Variants in COMMD1 observed in about 807,000 individuals in gnomAD.
The protein encoded by COMMD1 is COMM domain-containing protein 1.
COMMD1 carries 10 observed loss-of-function variants against 17.2 expected under a neutral mutation model. The observed-to-expected ratio is 0.58, with a 90% CI of 0.36 to 0.99. The LOEUF (loss-of-function observed/expected upper bound fraction) is 0.99, where lower values mean the gene tolerates loss of function less well. Ranked by LOEUF, COMMD1 falls within the 50% of genes least tolerant of loss-of-function variation. COMMD1 has a pLI of 0.01. For missense variants in COMMD1, 270 were observed against 231.8 expected, an observed-to-expected ratio of 1.17 and a Z score of -1.07; for synonymous variants, 97 against 91.6, an observed-to-expected ratio of 1.06 and a Z score of -0.34.
intron 2 of COMMD1, among the ~76,000 whole-genome samples, chr2:62,125,299 T>A (rs1264918522): frequency 6.6e-6 from 1 of 152,230 alleles, no homozygotes; most frequent in Non-Finnish European, 1.5e-5. Flanking sequence ...CTGCAGACTC[T>A]ATCTTAGTCC....
chr2:62,113,388 A>G (rs1036788824), intron 2 of COMMD1, among the ~76,000 whole-genome samples: 2 of 151,964 alleles, frequency 1.3e-5, no homozygotes, highest in Admixed American at 6.6e-5. Flanking sequence ...TTTTCTGGAA[A>G]TTTCTGATAG....
At chr2:62,127,117 C>G (rs1315739004) in intron 2 of COMMD1, among the ~76,000 whole-genome samples, 1 of 152,076 alleles carries the variant, frequency 6.6e-6, no homozygotes, top group Non-Finnish European at 1.5e-5. Flanking sequence ...GAATGAACTC[C>G]CATTCACAAT....
intron 2 of COMMD1, among the ~76,000 whole-genome samples, chr2:62,017,466 A>G (rs1669483834): frequency 6.6e-6 from 1 of 152,082 alleles, no homozygotes; most frequent in Non-Finnish European, 1.5e-5. Flanking sequence ...CCAGGAGTTC[A>G]AGACCAGCCT....
intron 1 of COMMD1, among the ~76,000 whole-genome samples, chr2:61,946,656 C>G (rs1250902023): frequency 2.0e-5 from 3 of 152,142 alleles, no homozygotes; most frequent in Non-Finnish European, 4.4e-5. Flanking sequence ...TTTTACTACA[C>G]TATACATCAG....
chr2:62,009,019 A>G (rs536399463), intron 2 of COMMD1, among the ~76,000 whole-genome samples: 1 of 152,172 alleles, frequency 6.6e-6, no homozygotes, highest in African/African-American at 2.4e-5. Flanking sequence ...CCTGACCTCA[A>G]GTGATACGCC....
intron 1 of COMMD1, among the ~76,000 whole-genome samples, chr2:61,953,371 C>CT (rs58439320): frequency 0.05 from 6,313 of 127,078 alleles, 490 homozygotes; most frequent in African/African-American, 0.16. Context: ...TTTTTCTTTT[C>CT]TTTTTTTTTT....
chr2:61,973,442 C>T (rs561417029), intron 1 of COMMD1, among the ~76,000 whole-genome samples: 1 of 152,150 alleles, frequency 6.6e-6, no homozygotes, highest in Admixed American at 6.5e-5. Flanking sequence ...TTTATTTTTG[C>T]CAGTATAATG....
At chr2:62,062,622 C>A (rs1274734138) in intron 2 of COMMD1, among the ~76,000 whole-genome samples, 2 of 152,000 alleles carry the variant, frequency 1.3e-5, no homozygotes, top group African/African-American at 4.8e-5. Context: ...CCAGTAAAAA[C>A]CCTGAGACGA....
chr2:62,089,411 G>A (rs764891596), intron 2 of COMMD1, among the ~76,000 whole-genome samples: 14 of 151,208 alleles, frequency 9.3e-5, no homozygotes, highest in Non-Finnish European at 1.3e-4. Context: ...TCAGCCTCCC[G>A]AGTAGCTGGG....
chr2:61,933,588 TC>T (rs1198449969), intron 1 of COMMD1, among the ~76,000 whole-genome samples: 1 of 151,862 alleles, frequency 6.6e-6, no homozygotes, highest in Non-Finnish European at 1.5e-5. Context: ...GCCATGCTTT[TC>T]CCACACGTGA....
At chr2:62,107,828 T>A (rs1336415044) in intron 2 of COMMD1, among the ~76,000 whole-genome samples, 1 of 152,198 alleles carries the variant, frequency 6.6e-6, no homozygotes, top group African/African-American at 2.4e-5. Flanking sequence ...CAGTAACATA[T>A]AACCCTTGAC....
intron 1 of COMMD1, among the ~76,000 whole-genome samples, chr2:61,985,290 T>C (rs377533641): frequency 2.0e-5 from 3 of 152,196 alleles, no homozygotes; most frequent in East Asian, 3.8e-4. Context: ...GACCTGGTGA[T>C]CCGCCCGCCT....
chr2:61,891,737 C>T (rs1185519904), intron 1 of COMMD1, among the ~76,000 whole-genome samples: 1 of 151,666 alleles, frequency 6.6e-6, no homozygotes, highest in Admixed American at 6.6e-5. Context: ...CAAAACAAAA[C>T]AAAAACATAA....
intron 1 of COMMD1, among the ~76,000 whole-genome samples, chr2:61,972,936 G>C (rs554253366): frequency 5.3e-5 from 8 of 152,244 alleles, no homozygotes; most frequent in Non-Finnish European, 1.0e-4. Context: ...CACCCAAAGT[G>C]TTGGGATTAC....
intron 2 of COMMD1, among the ~76,000 whole-genome samples, chr2:62,017,870 C>T (rs1669496730): frequency 6.6e-6 from 1 of 151,802 alleles, no homozygotes; most frequent in South Asian, 2.1e-4. Context: ...CAGGAAGACC[C>T]CATCTCTACA....
At chr2:61,954,656 T>G (rs955927568) in intron 1 of COMMD1, among the ~76,000 whole-genome samples, 1 of 151,952 alleles carries the variant, frequency 6.6e-6, no homozygotes, top group African/African-American at 2.4e-5. Flanking sequence ...GAGGGCAGGC[T>G]AAACCATTAT....
chr2:62,064,359 A>G (rs1229928665), intron 2 of COMMD1, among the ~76,000 whole-genome samples: 1 of 152,008 alleles, frequency 6.6e-6, no homozygotes, highest in Non-Finnish European at 1.5e-5. Flanking sequence ...TTTTTAGTAG[A>G]GATGGGTTTG....
At chr2:61,925,974 T>C (rs1026386024) in intron 1 of COMMD1, among the ~76,000 whole-genome samples, 6 of 151,996 alleles carry the variant, frequency 3.9e-5, no homozygotes, top group Admixed American at 3.9e-4. Flanking sequence ...GTTTTTTGTT[T>C]TTGTTTTTGT....
chr2:61,970,262 CAAA>C (rs112830731), intron 1 of COMMD1, among the ~76,000 whole-genome samples: 4 of 81,050 alleles, frequency 4.9e-5, no homozygotes, highest in Non-Finnish European at 5.2e-5. Flanking sequence ...AACTCCACCT[CAAA>C]AAAAAAAAAA....
Sources: gnomAD v4.1 joint callset for allele counts (sites outside exome capture counted in the v4.1 genomes callset) on GRCh38, gnomAD v4.1.1 for gene constraint, MANE v1.5 for transcripts, NCBI Gene and HGNC (gene_info 2026-07-23, HGNC 2026-07-21) for gene names.